SOX9: variants seen among roughly 807,000 people sequenced by gnomAD.
The protein encoded by SOX9 is transcription factor SOX-9.
Under a neutral mutation model 44.8 loss-of-function variants are expected in SOX9, and 2 were observed. The observed-to-expected ratio is 0.04, with a 90% CI of 0.02 to 0.14. The LOEUF (loss-of-function observed/expected upper bound fraction) is 0.14, where lower values mean the gene tolerates loss of function less well. Among genes scored for constraint, SOX9 ranks in the 10% least tolerant of loss-of-function variants. The pLI, the probability that SOX9 is intolerant of heterozygous loss-of-function variation, is 1.00. For synonymous variants in SOX9, 381 were observed against 331.8 expected, an observed-to-expected ratio of 1.15 and a Z score of -1.61; for missense variants, 583 against 728.6, an observed-to-expected ratio of 0.80 and a Z score of 2.30.
Position 72,122,818 on chromosome 17 carries a change from G to T in SOX9, c.531G>T (p.Arg177=), listed in dbSNP as rs144824678. Residue 177 remains arginine, a synonymous_variant, in exon 2 of 3, where the codon CGG becomes CGT. Coordinates refer to ENST00000245479, the MANE Select transcript of SOX9 (RefSeq NM_000346.4). ...ACCCGGATTACAAGTACCAGCCGCG[G>T]CGGAGGAAGTCGGTGAAGAACGGGC... is the stretch of plus-strand genomic sequence containing the variant. ...KDHPDYKYQP[R]RRKSVKNGQA... 6.2e-7 allele frequency: 1 copy of T among 1,614,182 alleles called. No homozygotes were observed. Among genetic ancestry groups the T allele is most frequent in the East Asian group, 2.2e-5 (1 of 44,868 alleles).
chr17:72,124,537 A>T lies in SOX9; in HGVS notation c.*150A>T. 3.8e-6 allele frequency: 4 copies of T among 1,050,364 alleles called. No individual in the cohort carries two copies. Among genetic ancestry groups the T allele is most frequent in the Non-Finnish European group, 5.6e-6 (4 of 709,058 alleles). 65.1% of individuals were successfully genotyped at this position (1,050,364 alleles called of 1,614,324 possible). Reference sequence around the variant, plus strand: ...TTCTTCTTCTTCTTCTTCCTTAAAGACATTTAAGCTAAAGGCAACTCGTAC... The same window carrying T: ...TTCTTCTTCTTCTTCTTCCTTAAAGTCATTTAAGCTAAAGGCAACTCGTAC... On this transcript the variant is annotated 3_prime_UTR_variant, in exon 3 of 3. Coordinates refer to ENST00000245479, the MANE Select transcript of SOX9 (RefSeq NM_000346.4). The surrounding 1 kb of genome is among the most constrained non-coding windows in gnomAD (Gnocchi z 4.6).
Position 72,121,777 on chromosome 17 carries a change from A to G in SOX9, c.386A>G (p.His129Arg), listed in dbSNP as rs2143240758. The G allele has an allele frequency of 6.3e-7, 1 of 1,597,612 alleles. No homozygotes were observed. The highest frequency in any genetic ancestry group is 2.3e-5 in the East Asian group (1 of 44,214). The change falls in exon 1 of 3, where the codon CAC (histidine) becomes CGC (arginine). Residue 129 changes from histidine to arginine, a missense_variant. His to Arg is a conservative substitution (Grantham distance 29). This residue lies in a region of SOX9 where 21 missense variants were observed against 73.6 expected (regional missense o/e 0.29). Coordinates refer to ENST00000245479, the MANE Select transcript of SOX9 (RefSeq NM_000346.4). The surrounding 1 kb of genome is among the most constrained non-coding windows in gnomAD (Gnocchi z 8.3). ...ARRKLADQYP[H>R]LHNAELSKTL... ...AGGAAGCTCGCGGACCAGTACCCGC[A>G]CTTGCACAACGCCGAGCTCAGCAAG... is the stretch of plus-strand genomic sequence containing the variant.
In SOX9 at chr17:72,121,199, G is replaced by A; in HGVS notation, c.-193G>A. 1 of 589,658 alleles carries A rather than the reference G, an allele frequency of 1.7e-6. No individual in the cohort carries two copies. The highest frequency in any genetic ancestry group is 3.0e-6 in the Non-Finnish European group (1 of 334,668). 36.5% of individuals were successfully genotyped at this position (589,658 alleles called of 1,614,324 possible). On this transcript the variant is annotated 5_prime_UTR_variant, in exon 1 of 3. Transcript: ENST00000245479. The surrounding 1 kb of genome is among the most constrained non-coding windows in gnomAD (Gnocchi z 8.3). ...CAATTCGCCTCCCCCCACTTGGAGC[G>A]GGCAGCTGTGAACTGGCCACCCCGC...
chr17:72,123,563 A>ACCC lies in SOX9; in HGVS notation c.708_710dup (p.Pro238dup). The ACCC allele has an allele frequency of 6.2e-7, 1 of 1,610,144 alleles. No individual in the cohort carries two copies. Among genetic ancestry groups the ACCC allele is most frequent in the Non-Finnish European group, 8.5e-7 (1 of 1,176,856 alleles). On this transcript the variant is annotated inframe_insertion, in exon 3 of 3. Transcript: ENST00000245479. This position sits in a 1 kb window ranked among gnomAD's most constrained non-coding sequence, Gnocchi z 6.5. ...CACAGGGCAATCCCAGGGCCCACCG[A>ACCC]CCCCACCCACCACCCCCAAAACCGA... is the stretch of plus-strand genomic sequence containing the variant.
rs1488790677 is a variant in SOX9, at chr17:72,121,484, G to A, written c.93G>A (p.Ala31=). ...GCCCCACCATGTCCGAGGACTCCGC[G>A]GGCTCGCCCTGCCCGTCGGGCTCCG... The part of the protein sequence containing the change: ...APSPTMSEDS[A]GSPCPSGSGS... Residue 31 remains alanine, a synonymous_variant, in exon 1 of 3, where the codon GCG becomes GCA. Transcript: ENST00000245479. The surrounding 1 kb of genome is among the most constrained non-coding windows in gnomAD (Gnocchi z 8.3). 6.2e-7 allele frequency: 1 copy of A among 1,611,948 alleles called. No homozygotes were observed. Among genetic ancestry groups the A allele is most frequent in the Non-Finnish European group, 8.5e-7 (1 of 1,179,544 alleles).
At position 72,124,351 on chromosome 17, in the gene SOX9, G is replaced by A. The variant is rs2143258813; in HGVS notation, c.1494G>A (p.Trp498Ter). ...SIPQTHSPQH[W>*]EQPVYTQLTR... ...CGCAGACCCACAGCCCCCAGCACTG[G>A]GAACAACCCGTCTACACACAGCTCA... The change falls in exon 3 of 3, where the codon TGG becomes TGA. Residue 498 changes from tryptophan (W) to a stop codon, truncating the protein, a stop_gained. Coordinates refer to ENST00000245479, the MANE Select transcript of SOX9 (RefSeq NM_000346.4). LOFTEE classifies it high-confidence loss of function. The surrounding 1 kb of genome is among the most constrained non-coding windows in gnomAD (Gnocchi z 4.6). 2 of 1,601,036 alleles carry A rather than the reference G, an allele frequency of 1.2e-6. No individual in the cohort carries two copies. The highest frequency in any genetic ancestry group is 8.5e-7 in the Non-Finnish European group (1 of 1,179,944).
Position 72,125,968 on chromosome 17 carries a change from C to T in SOX9, c.*1581C>T, listed in dbSNP as rs1474818261. On this transcript the variant is annotated 3_prime_UTR_variant, in exon 3 of 3. Coordinates refer to ENST00000245479, the MANE Select transcript of SOX9 (RefSeq NM_000346.4). ...AGCATGTGTCATCCATATTTCTCTG[C>T]ATCTTCTCTTGGAGTGAGGGAGGCT... 2 of 232,262 alleles carry T rather than the reference C, an allele frequency of 8.6e-6. No homozygotes were observed. The highest frequency in any genetic ancestry group is 1.7e-5 in the Non-Finnish European group (2 of 117,498). 14.4% of individuals were successfully genotyped at this position (232,262 alleles called of 1,614,324 possible).
rs1908284076 is a variant in SOX9, at chr17:72,126,351, CCT to C, written c.*1965_*1966del. The stretch of plus-strand genomic sequence containing the variant: ...GTTCTCTCCGTGAAACTTACCTTTC[CCT>C]TTTTCTTTCTCTTTTTTTTTTTTGT... On this transcript the variant is annotated 3_prime_UTR_variant, in exon 3 of 3. Transcript: ENST00000245479. The C allele has an allele frequency of 4.6e-6, 1 of 219,666 alleles. No individual in the cohort carries two copies. The highest frequency in any genetic ancestry group is 8.7e-6 in the Non-Finnish European group (1 of 114,604). 13.6% of individuals were successfully genotyped at this position (219,666 alleles called of 1,614,324 possible). A position where few individuals can be genotyped will look rare whatever the true frequency, so the allele number is the denominator to read the frequency against.
rs2143252015 is a variant in SOX9, at chr17:72,123,748, C to T, written c.891C>T (p.Tyr297=). 6.2e-7 allele frequency: 1 copy of T among 1,613,758 alleles called. No homozygotes were observed. Among genetic ancestry groups the T allele is most frequent in the South Asian group, 1.1e-5 (1 of 91,084 alleles). The change falls in exon 3 of 3, where the codon TAC becomes TAT. Residue 297 remains tyrosine, a synonymous_variant. Coordinates refer to ENST00000245479, the MANE Select transcript of SOX9 (RefSeq NM_000346.4). The surrounding 1 kb of genome is among the most constrained non-coding windows in gnomAD (Gnocchi z 6.5). ...TCGATGTCAACGAGTTTGACCAGTA[C>T]CTGCCGCCCAACGGCCACCCGGGGG... The part of the protein sequence containing the change: ...ETFDVNEFDQ[Y]LPPNGHPGVP...
In SOX9 at chr17:72,124,394, C is replaced by T. The variant is rs913478460; in HGVS notation, c.*7C>T. The T allele has an allele frequency of 1.9e-6, 3 of 1,600,030 alleles. No individual in the cohort carries two copies. Among genetic ancestry groups the T allele is most frequent in the East Asian group, 4.5e-5 (2 of 44,868 alleles). ...ACAGCTCACTCGACCTTGAGGAGGCCTCCCACGAAGGGCGAAGATGGCCGA... is the reference window on the plus strand; with the variant it reads ...ACAGCTCACTCGACCTTGAGGAGGCTTCCCACGAAGGGCGAAGATGGCCGA... On this transcript the variant is annotated 3_prime_UTR_variant, in exon 3 of 3. Coordinates refer to ENST00000245479, the MANE Select transcript of SOX9 (RefSeq NM_000346.4). The surrounding 1 kb of genome is among the most constrained non-coding windows in gnomAD (Gnocchi z 4.6).
At position 72,126,364 on chromosome 17, in the gene SOX9, C is replaced by CTTT. The variant is rs11448561; in HGVS notation, c.*1987_*1989dup. 1.9e-4 allele frequency: 41 copies of CTTT among 211,770 alleles called. No homozygotes were observed. Among genetic ancestry groups the CTTT allele is most frequent in the African/African-American group, 8.4e-4 (36 of 42,610 alleles). 13.1% of individuals were successfully genotyped at this position (211,770 alleles called of 1,614,324 possible). ...AACTTACCTTTCCCTTTTTCTTTCTCTTTTTTTTTTTTGTATATTATTGTT... is the reference window on the plus strand; with the variant it reads ...AACTTACCTTTCCCTTTTTCTTTCTCTTTTTTTTTTTTTTTGTATATTATTGTT... On this transcript the variant is annotated 3_prime_UTR_variant, in exon 3 of 3. Coordinates refer to ENST00000245479, the MANE Select transcript of SOX9 (RefSeq NM_000346.4).
chr17:72,123,499 A>C lies in SOX9; in HGVS notation c.686-44A>C. 1 of 1,613,072 alleles carries C rather than the reference A, an allele frequency of 6.2e-7. No individual in the cohort carries two copies. The highest frequency in any genetic ancestry group is 8.5e-7 in the Non-Finnish European group (1 of 1,179,526). On this transcript the variant is annotated intron_variant, in intron 2 of 2. Coordinates refer to ENST00000245479, the MANE Select transcript of SOX9 (RefSeq NM_000346.4). This position sits in a 1 kb window ranked among gnomAD's most constrained non-coding sequence, Gnocchi z 6.5. ...GTGCCTAAGACTAGGGCGTCTGCAC[A>C]GCCCTTGTTGATTTTCTCGTGCTTG...
chr17:72,125,908 T>G lies in SOX9; in HGVS notation c.*1521T>G, dbSNP rs113739085. 1,033 of 231,396 alleles carry G rather than the reference T, an allele frequency of 4.5e-3. 9 individuals are homozygous for G. Among genetic ancestry groups the G allele is most frequent in the African/African-American group, 0.02 (918 of 45,316 alleles). The allele number at this position is 231,396 out of a possible 1,614,324, so 14.3% of individuals were successfully genotyped here. On this transcript the variant is annotated 3_prime_UTR_variant, in exon 3 of 3. Coordinates refer to ENST00000245479, the MANE Select transcript of SOX9 (RefSeq NM_000346.4). ...GGCTGCCTTATATTGTGTGTGTGTG[T>G]GGGTGTGTGTGTGTTTTGACACAAA...
rs1194444347 is a variant in SOX9, at chr17:72,124,008, C to T, written c.1151C>T (p.Thr384Met). 6.2e-7 allele frequency: 1 copy of T among 1,605,028 alleles called. No homozygotes were observed. Among genetic ancestry groups the T allele is most frequent in the South Asian group, 1.1e-5 (1 of 90,588 alleles). Reference sequence around the variant, plus strand: ...CAGCCACAGGCGCACACGCTGACCACGCTGAGCAGCGAGCCGGGCCAGTCC... The same window carrying T: ...CAGCCACAGGCGCACACGCTGACCATGCTGAGCAGCGAGCCGGGCCAGTCC... Reference protein sequence around the residue: ...PQQPQAHTLTTLSSEPGQSQR... With the variant: ...PQQPQAHTLTMLSSEPGQSQR... Residue 384 changes from threonine (T) to methionine (M), a missense_variant, in exon 3 of 3, where the codon ACG becomes ATG. Physicochemically the swap from Thr to Met is moderately conservative, Grantham distance 81. Transcript: ENST00000245479. The surrounding 1 kb of genome is among the most constrained non-coding windows in gnomAD (Gnocchi z 4.6).
In SOX9 at chr17:72,123,021, GCA is replaced by G; in HGVS notation, c.685+53_685+54del. The G allele has an allele frequency of 6.2e-7, 1 of 1,601,870 alleles. No homozygotes were observed. The highest frequency in any genetic ancestry group is 8.5e-7 in the Non-Finnish European group (1 of 1,176,994). On this transcript the variant is annotated intron_variant, in intron 2 of 2. Transcript: ENST00000245479. The surrounding 1 kb of genome is among the most constrained non-coding windows in gnomAD (Gnocchi z 6.5). Reference sequence around the variant, plus strand: ...GGACAAGCTATCTCCGTCCCGCCTGGCACACCCCCTGCCCTCCGCCTGGGAGA... The same window carrying G: ...GGACAAGCTATCTCCGTCCCGCCTGGCACCCCCTGCCCTCCGCCTGGGAGA...
In SOX9 at chr17:72,124,890, GATAAA is replaced by G. The variant is rs1378697876; in HGVS notation, c.*506_*510del. On this transcript the variant is annotated 3_prime_UTR_variant, in exon 3 of 3. Coordinates refer to ENST00000245479, the MANE Select transcript of SOX9 (RefSeq NM_000346.4). The surrounding 1 kb of genome is among the most constrained non-coding windows in gnomAD (Gnocchi z 4.6). Reference sequence around the variant, plus strand: ...TTGAGGGGATTTATACATATTTTTAGATAAAATTAAATGCTCTTATTTTTCCAACA... The same window carrying G: ...TTGAGGGGATTTATACATATTTTTAGATTAAATGCTCTTATTTTTCCAACA... The G allele has an allele frequency of 4.2e-6, 1 of 239,742 alleles. No individual in the cohort carries two copies. The highest frequency in any genetic ancestry group is 8.3e-6 in the Non-Finnish European group (1 of 120,302). The allele number at this position is 239,742 out of a possible 1,614,324, so 14.9% of individuals were successfully genotyped here. A position where few individuals can be genotyped will look rare whatever the true frequency, so the allele number is the denominator to read the frequency against.
rs2143239408 is a variant in SOX9, at chr17:72,121,674, G to A, written c.283G>A (p.Val95Ile). 6.2e-7 allele frequency: 1 copy of A among 1,601,834 alleles called. No homozygotes were observed. The highest frequency in any genetic ancestry group is 8.5e-7 in the Non-Finnish European group (1 of 1,174,788). Residue 95 changes from valine (V) to isoleucine (I), a missense_variant, in exon 1 of 3, where the codon GTC (valine) becomes ATC (isoleucine). By Grantham distance (29) the Val-to-Ile change is conservative. Around this residue, in one of 7 missense-constraint regions of SOX9, gnomAD observed 19 missense variants for 46.8 expected, o/e 0.41. Transcript: ENST00000245479. This position sits in a 1 kb window ranked among gnomAD's most constrained non-coding sequence, Gnocchi z 8.3. ...DWTLVPMPVR[V>I]NGSSKNKPHV... is the part of the protein sequence containing the mutation. Reference sequence around the variant, plus strand: ...GACGCTGGTGCCCATGCCGGTGCGCGTCAACGGCTCCAGCAAGAACAAGCC... The same window carrying A: ...GACGCTGGTGCCCATGCCGGTGCGCATCAACGGCTCCAGCAAGAACAAGCC...
At position 72,124,218 on chromosome 17, in the gene SOX9, A is replaced by T. The variant is rs2143257206; in HGVS notation, c.1361A>T (p.His454Leu). The T allele has an allele frequency of 6.2e-7, 1 of 1,613,582 alleles. No homozygotes were observed. Among genetic ancestry groups the T allele is most frequent in the Non-Finnish European group, 8.5e-7 (1 of 1,179,930 alleles). The change falls in exon 3 of 3, where the codon CAC (histidine) becomes CTC (leucine). Residue 454 changes from histidine to leucine, a missense_variant. This residue lies in a region of SOX9 where 349 missense variants were observed against 387.0 expected (regional missense o/e 0.90). Transcript: ENST00000245479. The surrounding 1 kb of genome is among the most constrained non-coding windows in gnomAD (Gnocchi z 4.6). ...DHQNSSSYYS[H>L]AAGQGTGLYS... ...CAGAACTCCAGCTCCTACTACAGCC[A>T]CGCGGCAGGCCAGGGCACCGGCCTC...
chr17:72,122,561 A>G (rs532825630), intron 1 of SOX9, among the ~76,000 whole-genome samples, 158 bp from the exon 2 acceptor site: 1 of 152,168 alleles, frequency 6.6e-6, no homozygotes, highest in South Asian at 2.1e-4. Flanking sequence ...AAGAAAAGTT[A>G]TGAGCTGTGG....
Sources: gnomAD v4.1 joint callset for allele counts (sites outside exome capture counted in the v4.1 genomes callset) on GRCh38, gnomAD v4.1.1 for gene constraint, gnomAD v4.1.1 regional missense constraint, Gnocchi (gnomAD v3.1) non-coding constraint, MANE v1.5 for transcripts, NCBI Gene and HGNC (gene_info 2026-07-23, HGNC 2026-07-21) for gene names.